Variants in ERBB4 observed in about 807,000 individuals in gnomAD.
ERBB4 encodes erb-b2 receptor tyrosine kinase 4.
Under a neutral mutation model 158.0 loss-of-function variants are expected in ERBB4, and 42 were observed. That is an observed-to-expected ratio of 0.27 (90% CI 0.21 to 0.34). The LOEUF (loss-of-function observed/expected upper bound fraction) is 0.34, where lower values mean the gene tolerates loss of function less well. Among genes scored for constraint, ERBB4 ranks in the 10% least tolerant of loss-of-function variants. The pLI, the probability that ERBB4 is intolerant of heterozygous loss-of-function variation, is 1.00. For synonymous variants in ERBB4, 583 were observed against 558.7 expected, an observed-to-expected ratio of 1.04 and a Z score of -0.61; for missense variants, 1,333 against 1,624.1, an observed-to-expected ratio of 0.82 and a Z score of 3.08.
intron 1 of ERBB4, among the ~76,000 whole-genome samples, chr2:212,408,009 CAGG>C (rs1300010387): frequency 6.6e-6 from 1 of 151,800 alleles, no homozygotes; most frequent in African/African-American, 2.4e-5. Context: ...GTGTTTTATT[CAGG>C]AGAATAAAAA....
intron 1 of ERBB4, among the ~76,000 whole-genome samples, chr2:212,464,517 G>T (rs1007004501): frequency 1.3e-5 from 2 of 151,976 alleles, no homozygotes; most frequent in African/African-American, 4.8e-5. Context: ...TGCCAGTTTA[G>T]CTGCCTGAGA....
rs2062615584 is a variant in ERBB4 at position 211,383,563 on chromosome 2, G to A, written c.*52C>T. The A allele has an allele frequency of 6.2e-6, 9 of 1,459,514 alleles. No homozygotes were observed. The highest frequency in any genetic ancestry group is 3.4e-5 in the South Asian group (3 of 87,388). The allele number at this position is 1,459,514 out of a possible 1,614,324, so 90.4% of individuals were successfully genotyped here. On this transcript the variant is annotated 3_prime_UTR_variant, in exon 28 of 28. Coordinates refer to ENST00000342788, the MANE Select transcript of ERBB4 (RefSeq NM_005235.3). ...AAGACCACCAGAGAAAGAGAGGGGGGTGGGGAAATTGGAGCAGGTGTGTCT... is the reference window on the plus strand; with the variant it reads ...AAGACCACCAGAGAAAGAGAGGGGGATGGGGAAATTGGAGCAGGTGTGTCT...
At chr2:211,819,413 A>G (rs893810953) in intron 3 of ERBB4, among the ~76,000 whole-genome samples, 5 of 152,064 alleles carry the variant, frequency 3.3e-5, no homozygotes, top group African/African-American at 1.2e-4. Flanking sequence ...ACAGTACTGG[A>G]ATCTGCCAAG....
intron 1 of ERBB4, among the ~76,000 whole-genome samples, chr2:212,364,157 T>G (rs1375725829): frequency 6.6e-6 from 1 of 151,714 alleles, no homozygotes; most frequent in Non-Finnish European, 1.5e-5. Flanking sequence ...CAATTAGCCA[T>G]TCTTTTGAAT....
chr2:212,399,509 T>C (rs922458700), intron 1 of ERBB4, among the ~76,000 whole-genome samples: 4 of 146,444 alleles, frequency 2.7e-5, no homozygotes, highest in African/African-American at 9.9e-5. Flanking sequence ...CTGCTATTAA[T>C]AAGTCATGCC....
chr2:211,560,201 A>G (rs1272542419), intron 20 of ERBB4, among the ~76,000 whole-genome samples: 4 of 151,712 alleles, frequency 2.6e-5, no homozygotes, highest in African/African-American at 9.7e-5. Flanking sequence ...CTTAAGGACA[A>G]AACCTAAATT....
At chr2:211,895,767 A>G (rs1021273720) in intron 3 of ERBB4, among the ~76,000 whole-genome samples, 2 of 152,128 alleles carry the variant, frequency 1.3e-5, no homozygotes, top group Non-Finnish European at 2.9e-5. Flanking sequence ...TGATCCTTCA[A>G]TTGTCCCTGA....
chr2:212,378,207 G>A (rs2090389179), intron 1 of ERBB4, among the ~76,000 whole-genome samples: 1 of 151,848 alleles, frequency 6.6e-6, no homozygotes, highest in African/African-American at 2.4e-5. Context: ...ATTGTTGGCT[G>A]AAATGTCATT....
intron 16 of ERBB4, among the ~76,000 whole-genome samples, chr2:211,644,101 CTG>C (rs369183996): frequency 1.6e-4 from 24 of 151,962 alleles, no homozygotes; most frequent in African/African-American, 5.3e-4. Context: ...GAGGGTGAGA[CTG>C]TTTCTGCCTC....
At chr2:212,290,378 C>T (rs1442405454) in intron 1 of ERBB4, among the ~76,000 whole-genome samples, 1 of 152,048 alleles carries the variant, frequency 6.6e-6, no homozygotes. Context: ...ATGAAGTAGT[C>T]TTTACCACAT....
At chr2:212,412,830 A>G (rs1022592114) in intron 1 of ERBB4, among the ~76,000 whole-genome samples, 1 of 152,250 alleles carries the variant, frequency 6.6e-6, no homozygotes, top group Non-Finnish European at 1.5e-5. Context: ...GTACAATGTT[A>G]GCATATTTAA....
At chr2:211,902,634 C>A (rs1352238817) in intron 3 of ERBB4, among the ~76,000 whole-genome samples, 2 of 151,504 alleles carry the variant, frequency 1.3e-5, no homozygotes, top group Admixed American at 6.6e-5. Context: ...AATATCTGGG[C>A]AAATAAAGTA....
At chr2:212,447,641 G>C (rs573972932) in intron 1 of ERBB4, among the ~76,000 whole-genome samples, 1 of 152,198 alleles carries the variant, frequency 6.6e-6, no homozygotes, top group South Asian at 2.1e-4. Flanking sequence ...CTATGATAGA[G>C]GTTTAAGAAT....
chr2:212,183,842 A>T lies in ERBB4; in HGVS notation c.83-58939T>A, dbSNP rs373547810. ...TGCTGGTCAAGAACAATCAGAAAAT[A>T]AGCTATTCTTCATCTATTTTTCCAA... On this transcript the variant is annotated intron_variant, in intron 1 of 27. Transcript: ENST00000342788. Among the ~76,000 whole-genome samples the T allele has an allele frequency of 8.1e-4, 124 of 152,268 alleles. 2 individuals are homozygous for T. The South Asian group carries it at 0.024, about 30-fold the overall frequency.
At chr2:211,420,637 A>G (rs1331495316) in intron 24 of ERBB4, 26 bp from the exon 25 acceptor site, 2 of 1,593,526 alleles carry the variant, frequency 1.3e-6, no homozygotes, top group Non-Finnish European at 1.7e-6. Context: ...CCCATCAGAC[A>G]CAAATATGAT....
intron 3 of ERBB4, among the ~76,000 whole-genome samples, chr2:211,946,718 T>G (rs548259304): frequency 5.9e-4 from 89 of 151,256 alleles, no homozygotes; most frequent in Non-Finnish European, 1.1e-3. Flanking sequence ...GTAAAATTCA[T>G]TATACCAAAA....
intron 1 of ERBB4, among the ~76,000 whole-genome samples, chr2:212,512,210 A>T (rs1162202468): frequency 6.6e-6 from 1 of 152,178 alleles, no homozygotes; most frequent in African/African-American, 2.4e-5. Flanking sequence ...TAGTTTCTAC[A>T]CTACACCTTT....
intron 1 of ERBB4, among the ~76,000 whole-genome samples, chr2:212,522,864 C>T (rs185883967): frequency 3.9e-4 from 59 of 152,040 alleles, no homozygotes; most frequent in Admixed American, 1.1e-3. Flanking sequence ...AAGGAGGCAC[C>T]AGACGTAATG....
At chr2:211,446,057 A>G (rs2064104817) in intron 20 of ERBB4, among the ~76,000 whole-genome samples, 1 of 152,196 alleles carries the variant, frequency 6.6e-6, no homozygotes, top group South Asian at 2.1e-4. Context: ...TTTTCATACC[A>G]GTATTTTTCT....
Sources: allele counts gnomAD v4.1 joint callset (sites outside exome capture counted in the v4.1 genomes callset), GRCh38; gene constraint gnomAD v4.1.1; transcripts MANE v1.5; gene names NCBI Gene and HGNC (gene_info 2026-07-23, HGNC 2026-07-21).